Variants in MICU3 observed in about 807,000 individuals in gnomAD.
MICU3 encodes mitochondrial calcium uptake 3.
In MICU3, 62 loss-of-function variants were observed where a neutral mutation model predicts 66.5. The observed-to-expected ratio is 0.93, with a 90% CI of 0.76 to 1.15. The LOEUF is 1.15. Ranked by LOEUF, MICU3 falls within the 50% of genes most tolerant of loss-of-function variation. The pLI, the probability that MICU3 is intolerant of heterozygous loss-of-function variation, is 0.00. For missense variants in MICU3, 779 were observed against 664.4 expected (o/e 1.17, Z -1.90); for synonymous variants, 308 against 240.7 (o/e 1.28, Z -2.59).
At chr8:17,113,804 T>G (rs926819033) in intron 11 of MICU3, among the ~76,000 whole-genome samples, 45 of 152,154 alleles carry the variant, frequency 3.0e-4, no homozygotes, top group Non-Finnish European at 1.2e-4. Context: ...AATTGAAACT[T>G]TTTAATTCTT....
intron 12 of MICU3, among the ~76,000 whole-genome samples, chr8:17,115,970 A>G (rs1802642065): frequency 6.6e-6 from 1 of 152,166 alleles, no homozygotes; most frequent in African/African-American, 2.4e-5. Context: ...CTCAAAGACA[A>G]AATCACATCC....
intron 8 of MICU3, among the ~76,000 whole-genome samples, chr8:17,094,148 A>G (rs1457098726): frequency 1.3e-5 from 2 of 152,000 alleles, no homozygotes; most frequent in African/African-American, 4.8e-5. Flanking sequence ...TGTAACTGGC[A>G]TCATGTTATA....
chr8:17,090,611 T>C (rs1193305405), intron 8 of MICU3, 27 bp downstream of exon 8: 2 of 1,543,194 alleles, frequency 1.3e-6, no homozygotes, highest in Non-Finnish European at 1.8e-6. Flanking sequence ...AAATGTTCTT[T>C]ATGTATATAG....
rs1295187549 is a variant in MICU3, at chr8:17,104,804, G to C, written c.1085+313G>C. Among the ~76,000 whole-genome samples the C allele has an allele frequency of 5.7e-4, 23 of 40,050 alleles. 4 individuals carry two copies. The highest frequency in any genetic ancestry group is 9.4e-4 in the African/African-American group (2 of 2,126). 26.3% of individuals were successfully genotyped at this position (40,050 alleles called of 152,430 possible). ...AGGTCAGGAGATCGAGACCATCCTG[G>C]CTAACACGGTGAAACCCCGTCTCTA... On this transcript the variant is annotated intron_variant, in intron 10 of 14. Coordinates refer to ENST00000318063, the MANE Select transcript of MICU3 (RefSeq NM_181723.3).
chr8:17,115,412 A>T (rs1406499979), intron 12 of MICU3, among the ~76,000 whole-genome samples: 2 of 152,182 alleles, frequency 1.3e-5, no homozygotes, highest in African/African-American at 2.4e-5. Context: ...TGCTGTGATA[A>T]ATCTCATCAA....
chr8:17,030,877 A>G (rs773405451), intron 1 of MICU3, among the ~76,000 whole-genome samples: 7 of 152,124 alleles, frequency 4.6e-5, no homozygotes, highest in Non-Finnish European at 7.3e-5. Flanking sequence ...TCTTAAGTCA[A>G]TTATCACTCC....
the MICU3 span, among the ~76,000 whole-genome samples, chr8:17,129,001 G>T: frequency 6.6e-6 from 1 of 152,172 alleles, no homozygotes; most frequent in Non-Finnish European, 1.5e-5. Context: ...GGAGCCATCA[G>T]TGTTCAAATC....
rs775199984 is a variant in MICU3, at chr8:17,114,092, G to A, written c.1258-1G>A. On this transcript the variant is annotated splice_acceptor_variant, in intron 11 of 14. Coordinates refer to ENST00000318063, the MANE Select transcript of MICU3 (RefSeq NM_181723.3). LOFTEE classifies it high-confidence loss of function. ...TATTTTCATTTCCTTTCCCAATATA[G>A]GGCATCACATTTGATGAATTCAGGT... The A allele has an allele frequency of 6.3e-7, 1 of 1,595,694 alleles. No individual in the cohort carries two copies. The highest frequency in any genetic ancestry group is 8.6e-7 in the Non-Finnish European group (1 of 1,167,008).
rs375018787 is a variant in MICU3, at chr8:17,036,935, C to T, written c.381+9275C>T. Among the ~76,000 whole-genome samples the T allele has an allele frequency of 8.1e-4, 123 of 152,346 alleles. No homozygotes were observed. In the East Asian group the frequency reaches 0.012, roughly 15 times the overall value. The stretch of plus-strand genomic sequence containing the variant: ...GAGTGGGTGGGAGGCTCAGGCATGG[C>T]GGGCTGCAGGTCCCGAGTCCTGCCC... On this transcript the variant is annotated intron_variant, in intron 1 of 14. Transcript: ENST00000318063.
intron 8 of MICU3, among the ~76,000 whole-genome samples, chr8:17,094,693 GT>G (rs1330705230): frequency 2.0e-5 from 3 of 151,856 alleles, no homozygotes; most frequent in African/African-American, 7.3e-5. Context: ...ACCATGGTTT[GT>G]CTATTAGTTG....
intron 1 of MICU3, among the ~76,000 whole-genome samples, chr8:17,040,631 C>G (rs1813910762): frequency 6.6e-6 from 1 of 152,212 alleles, no homozygotes; most frequent in South Asian, 2.1e-4. Context: ...ATTTTCTCCC[C>G]CATAAACATA....
rs548394778 is a variant in MICU3 at position 17,050,356 on chromosome 8, T to G, written c.382-13728T>G. 2.0e-5 allele frequency among the ~76,000 whole-genome samples: 3 copies of G among 151,908 alleles called. No individual in the cohort carries two copies. In the East Asian group the frequency reaches 5.8e-4, roughly 29 times the overall value. On this transcript the variant is annotated intron_variant, in intron 1 of 14. Coordinates refer to ENST00000318063, the MANE Select transcript of MICU3 (RefSeq NM_181723.3). ...ATATTATATTTAGGAAATTTATACA[T>G]ATTGACACATGTACTTCTAGTTAAT...
Position 17,104,494 on chromosome 8 carries a change from G to A in MICU3, c.1085+3G>A. On this transcript the variant is annotated splice_donor_region_variant and intron_variant, in intron 10 of 14. Transcript: ENST00000318063. Reference sequence around the variant, plus strand: ...CTCAACTTTGAAGATTTTTATAGGTGAGCTTATTTTTATATTTTTATTAAA... The same window carrying A: ...CTCAACTTTGAAGATTTTTATAGGTAAGCTTATTTTTATATTTTTATTAAA... The A allele has an allele frequency of 7.2e-7, 1 of 1,380,566 alleles. No homozygotes were observed. Among genetic ancestry groups the A allele is most frequent in the Non-Finnish European group, 9.7e-7 (1 of 1,030,168 alleles). The allele number at this position is 1,380,566 out of a possible 1,614,324, so 85.5% of individuals were successfully genotyped here.
At chr8:17,049,703 A>G (rs770005538) in intron 1 of MICU3, 3 of 502,586 alleles carry the variant, frequency 6.0e-6, no homozygotes, top group Non-Finnish European at 1.2e-5. Context: ...TGTGTGTTGT[A>G]ATACTGAAGT....
chr8:17,107,245 A>G (rs950170003), intron 11 of MICU3, among the ~76,000 whole-genome samples: 2 of 152,132 alleles, frequency 1.3e-5, no homozygotes, highest in Admixed American at 1.3e-4. Context: ...AAGAAGGTAG[A>G]CTGTTAGGAA....
chr8:17,029,475 T>A (rs1811637848), intron 1 of MICU3, among the ~76,000 whole-genome samples: 1 of 151,700 alleles, frequency 6.6e-6, no homozygotes, highest in Non-Finnish European at 1.5e-5. Context: ...AAACTCCATC[T>A]CAAAAAAAAA....
chr8:17,064,955 A>T lies in MICU3; in HGVS notation c.535+718A>T, dbSNP rs569679129. On this transcript the variant is annotated intron_variant, in intron 2 of 14. Transcript: ENST00000318063. The stretch of plus-strand genomic sequence containing the variant: ...TCTCTATAGATGGTGGTAAAAGAGT[A>T]ATGAGAACCGAGGATTTCTGGCTGG... Among the ~76,000 whole-genome samples, 794 of 152,266 alleles carry T rather than the reference A, an allele frequency of 5.2e-3. 7 individuals are homozygous for T. Among genetic ancestry groups the T allele is most frequent in the African/African-American group, 0.018 (757 of 41,564 alleles).
intron 1 of MICU3, among the ~76,000 whole-genome samples, chr8:17,063,525 C>T (rs982570774): frequency 6.6e-6 from 1 of 152,012 alleles, no homozygotes; most frequent in African/African-American, 2.4e-5. Flanking sequence ...AAAAGAGACC[C>T]CTAAAATTCA....
At chr8:17,088,966 T>G (rs886504985) in intron 7 of MICU3, among the ~76,000 whole-genome samples, 1 of 151,998 alleles carries the variant, frequency 6.6e-6, no homozygotes, top group African/African-American at 2.4e-5. Context: ...CAGCATACCC[T>G]AAGTTGTATT....
Sources: gnomAD v4.1 joint callset for allele counts (sites outside exome capture counted in the v4.1 genomes callset) on GRCh38, gnomAD v4.1.1 for gene constraint, MANE v1.5 for transcripts, NCBI Gene and HGNC (gene_info 2026-07-23, HGNC 2026-07-21) for gene names.